SRPK2: variants seen among roughly 807,000 people sequenced by gnomAD.
The protein encoded by SRPK2 is SFRS protein kinase 2.
In SRPK2, 21 loss-of-function variants were observed where a neutral mutation model predicts 90.8. That is an observed-to-expected ratio of 0.23 (90% CI 0.16 to 0.33). The LOEUF is 0.33. SRPK2 is among the 10% of genes least tolerant of loss of function. SRPK2 has a pLI of 1.00. For missense variants in SRPK2, 620 were observed against 869.0 expected, an observed-to-expected ratio of 0.71 and a Z score of 3.60; for synonymous variants, 288 against 311.1, an observed-to-expected ratio of 0.93 and a Z score of 0.78.
At chr7:105,341,357 CAAAAAAAAA>C (rs746893526) in intron 2 of SRPK2, among the ~76,000 whole-genome samples, 1 of 66,774 alleles carries the variant, frequency 1.5e-5, no homozygotes, top group Non-Finnish European at 2.8e-5. Flanking sequence ...GACTCCGTCT[CAAAAAAAAA>C]AAAAAAAAAA....
chr7:105,155,121 T>C (rs1474373802), intron 7 of SRPK2, among the ~76,000 whole-genome samples: 2 of 151,780 alleles, frequency 1.3e-5, no homozygotes, highest in African/African-American at 2.4e-5. Context: ...GCTGGAACTA[T>C]ATGTATGTGC....
intron 2 of SRPK2, among the ~76,000 whole-genome samples, chr7:105,317,291 AG>A (rs1470749046): frequency 6.6e-6 from 1 of 152,238 alleles, no homozygotes; most frequent in Non-Finnish European, 1.5e-5. Context: ...TCAGTTAAAA[AG>A]TTGCCAGGTT....
At chr7:105,126,367 G>A in intron 14 of SRPK2, 27 bp from the exon 15 acceptor site, 2 of 1,519,766 alleles carry the variant, frequency 1.3e-6, no homozygotes, top group Non-Finnish European at 1.8e-6. Context: ...AAAAGGATAT[G>A]GGAATGGGAG....
intron 2 of SRPK2, among the ~76,000 whole-genome samples, chr7:105,304,906 C>G (rs1387672260): frequency 6.6e-6 from 1 of 152,170 alleles, no homozygotes; most frequent in Non-Finnish European, 1.5e-5. Flanking sequence ...GACTAAAAGC[C>G]TTCTTAGCCT....
intron 7 of SRPK2, among the ~76,000 whole-genome samples, chr7:105,158,689 T>G (rs1806935623): frequency 6.6e-6 from 1 of 152,230 alleles, no homozygotes; most frequent in Non-Finnish European, 1.5e-5. Context: ...CAGCTATTTC[T>G]GAAATTATTC....
intron 2 of SRPK2, among the ~76,000 whole-genome samples, chr7:105,313,928 T>C (rs947094218): frequency 6.6e-6 from 1 of 152,040 alleles, no homozygotes; most frequent in Non-Finnish European, 1.5e-5. Context: ...CTAATTAATA[T>C]AAAAGGGCAA....
chr7:105,208,663 G>A (rs1585182180), intron 2 of SRPK2, among the ~76,000 whole-genome samples: 2 of 152,260 alleles, frequency 1.3e-5, no homozygotes, highest in Admixed American at 6.5e-5. Flanking sequence ...GAGGAAAATG[G>A]GGACTGACTG....
At chr7:105,205,665 T>C (rs1292242218) in intron 2 of SRPK2, among the ~76,000 whole-genome samples, 2 of 152,070 alleles carry the variant, frequency 1.3e-5, no homozygotes, top group Non-Finnish European at 2.9e-5. Context: ...TTTTAACACA[T>C]GTGCCCTTAC....
intron 2 of SRPK2, among the ~76,000 whole-genome samples, chr7:105,224,154 C>T (rs963273419): frequency 6.6e-6 from 1 of 152,088 alleles, no homozygotes; most frequent in African/African-American, 2.4e-5. Context: ...TAAGCAGCCC[C>T]ATTCTATATT....
At chr7:105,384,162 A>T (rs986317998) in intron 2 of SRPK2, among the ~76,000 whole-genome samples, 3 of 152,200 alleles carry the variant, frequency 2.0e-5, no homozygotes, top group Admixed American at 6.6e-5. Flanking sequence ...GAGATATTTT[A>T]AAAATTGTAC....
At chr7:105,327,723 G>A (rs922511919) in intron 2 of SRPK2, among the ~76,000 whole-genome samples, 6 of 152,206 alleles carry the variant, frequency 3.9e-5, no homozygotes, top group African/African-American at 1.2e-4. Context: ...AATATTAGCT[G>A]AATGAATGAA....
chr7:105,311,377 C>A (rs1811691885), intron 2 of SRPK2, among the ~76,000 whole-genome samples: 1 of 152,136 alleles, frequency 6.6e-6, no homozygotes, highest in South Asian at 2.1e-4. Context: ...GGACTAGTGG[C>A]ACCTGCCACC....
intron 2 of SRPK2, among the ~76,000 whole-genome samples, chr7:105,318,239 C>T (rs532810181): frequency 5.3e-5 from 8 of 152,038 alleles, no homozygotes; most frequent in Non-Finnish European, 8.8e-5. Flanking sequence ...GGATTACAGG[C>T]GCACGCCAGG....
intron 7 of SRPK2, among the ~76,000 whole-genome samples, chr7:105,151,923 T>C (rs542957054): frequency 6.4e-4 from 96 of 151,102 alleles, no homozygotes; most frequent in Non-Finnish European, 1.2e-3. Flanking sequence ...ACTCAGGAGG[T>C]TGAGGCAGGA....
At chr7:105,322,790 T>C (rs925367864) in intron 2 of SRPK2, among the ~76,000 whole-genome samples, 1 of 150,868 alleles carries the variant, frequency 6.6e-6, no homozygotes, top group African/African-American at 2.4e-5. Flanking sequence ...TATTAGCTAG[T>C]CTATACAATC....
At chr7:105,126,443 A>T in intron 14 of SRPK2, 103 bp from the exon 15 acceptor site, 1 of 854,144 alleles carries the variant, frequency 1.2e-6, no homozygotes, top group East Asian at 2.5e-5. Flanking sequence ...TCAGAAATAG[A>T]TTCAAATCAA....
chr7:105,310,170 C>T (rs1811552393), intron 2 of SRPK2, among the ~76,000 whole-genome samples: 1 of 152,106 alleles, frequency 6.6e-6, no homozygotes, highest in South Asian at 2.1e-4. Flanking sequence ...GGGAGGAATA[C>T]TGCTGAGTCT....
intron 2 of SRPK2, 31 bp from the exon 3 acceptor site, chr7:105,203,816 C>T (rs1341165396): frequency 8.4e-6 from 13 of 1,552,342 alleles, no homozygotes; most frequent in Non-Finnish European, 1.1e-5. Context: ...TTGCTATTTA[C>T]TTAGAAGTAC....
At chr7:105,371,306 G>C (rs1819657895) in intron 2 of SRPK2, among the ~76,000 whole-genome samples, 1 of 150,574 alleles carries the variant, frequency 6.6e-6, no homozygotes, top group Non-Finnish European at 1.5e-5. Context: ...CGGGAACATG[G>C]TGAAAAAAAA....
Sources: gnomAD v4.1 joint callset for allele counts (sites outside exome capture counted in the v4.1 genomes callset) on GRCh38, gnomAD v4.1.1 for gene constraint, MANE v1.5 for transcripts, NCBI Gene and HGNC (gene_info 2026-07-23, HGNC 2026-07-21) for gene names.